Variants in THSD1 observed in about 807,000 individuals in gnomAD.
The protein encoded by THSD1 is thrombospondin type-1 domain-containing protein 1.
Under a neutral mutation model 46.3 loss-of-function variants are expected in THSD1, and 34 were observed. The ratio of observed to expected loss-of-function variants is 0.74; its 90% CI spans 0.56 to 0.98. The LOEUF is 0.98. Ranked by LOEUF, THSD1 falls within the 50% of genes least tolerant of loss-of-function variation. The pLI, the probability that THSD1 is intolerant of heterozygous loss-of-function variation, is 0.00. For missense variants in THSD1, 1,023 were observed against 1,058.3 expected, an observed-to-expected ratio of 0.97 and a Z score of 0.46; for synonymous variants, 407 against 416.5, an observed-to-expected ratio of 0.98 and a Z score of 0.28.
intron 3 of THSD1, 78 bp downstream of exon 3, chr13:52,397,153 TA>T: frequency 7.7e-7 from 1 of 1,290,362 alleles, no homozygotes; most frequent in South Asian, 1.5e-5. Flanking sequence ...ACAATTCACC[TA>T]AATTTCACCT....
chr13:52,377,474 A>G lies in THSD1; in HGVS notation c.2496T>C (p.Tyr832=), dbSNP rs765276734. Residue 832 remains tyrosine (Y), a synonymous_variant, in exon 5 of 5, where the codon TAT becomes TAC. Transcript: ENST00000258613. ...AEQRMLDLPG[Y]FGSNEEDETT... is the part of the protein sequence containing the mutation. ...TTTCATCCTCTTCATTTGACCCAAA[A>G]TATCCTGGGAGGTCCAGCATCCTCT... 3.9e-6 allele frequency: 6 copies of G among 1,553,988 alleles called. No homozygotes were observed. The highest frequency in any genetic ancestry group is 5.2e-6 in the Non-Finnish European group (6 of 1,146,146).
Position 52,397,313 on chromosome 13 carries a change from T to C in THSD1, c.940A>G (p.Lys314Glu). 1 of 1,614,094 alleles carries C rather than the reference T, an allele frequency of 6.2e-7. No individual in the cohort carries two copies. Among genetic ancestry groups the C allele is most frequent in the Middle Eastern group, 1.7e-4 (1 of 6,060 alleles). The change falls in exon 3 of 5, where the codon AAG becomes GAG. Residue 314 changes from lysine (K) to glutamate (E), a missense_variant. This residue lies in a region of THSD1 where 429 missense variants were observed against 518.3 expected (regional missense o/e 0.83). Transcript: ENST00000258613. ...GAAATGCCAAAGTCAAAGCAGTACT[T>C]ATTCTTCCCCATGTCAAACAAAGTA... Reference protein sequence around the residue: ...NCTLFDMGKNKYCFDFGISSR... With the variant: ...NCTLFDMGKNEYCFDFGISSR...
chr13:52,405,969 A>G (rs2137755166), intron 1 of THSD1, 62 bp downstream of exon 1: 1 of 152,350 alleles, frequency 6.6e-6, no homozygotes, highest in Non-Finnish European at 1.5e-5. Flanking sequence ...CCGACCCCAG[A>G]GGAGCCTCCA....
Position 52,378,294 on chromosome 13 carries a change from A to G in THSD1, c.1676T>C (p.Leu559Pro). Residue 559 changes from leucine to proline, a missense_variant, in exon 5 of 5, where the codon CTG (leucine) becomes CCG (proline). Leu to Pro is a moderately conservative substitution (Grantham distance 98). This residue lies in a region of THSD1 where 578 missense variants were observed against 497.4 expected (regional missense o/e 1.16). Coordinates refer to ENST00000258613, the MANE Select transcript of THSD1 (RefSeq NM_018676.4). ...TKVYHVSQSP[L>P]TDTAIDAAPS... ...GGCCGCATCAATGGCAGTGTCTGTC[A>G]GGGGACTCTGAGACACGTGATACAC... 6.2e-7 allele frequency: 1 copy of G among 1,614,214 alleles called. No individual in the cohort carries two copies. The highest frequency in any genetic ancestry group is 1.1e-5 in the South Asian group (1 of 91,082).
chr13:52,403,938 A>ATTTTTTT (rs67802176), intron 1 of THSD1, among the ~76,000 whole-genome samples: 8 of 63,882 alleles, frequency 1.3e-4, no homozygotes, highest in Admixed American at 4.2e-4. Context: ...CATTATTCAC[A>ATTTTTTT]TTTTTTTTTT....
intron 3 of THSD1, 83 bp from the exon 4 acceptor site, chr13:52,386,269 C>G: frequency 6.9e-7 from 1 of 1,442,378 alleles, no homozygotes. Flanking sequence ...CAGCAAAACT[C>G]AAATCTCAGG....
At chr13:52,405,925 G>A (rs1566077506) in intron 1 of THSD1, 106 bp downstream of exon 1, 1 of 152,288 alleles carries the variant, frequency 6.6e-6, no homozygotes, top group Non-Finnish European at 1.5e-5. Flanking sequence ...GCGCCTTCAG[G>A]CTGCGGTGAG....
rs1957728397 is a variant in THSD1 at position 52,386,116 on chromosome 13, G to A, written c.1092C>T (p.Arg364=). The change falls in exon 4 of 5, where the codon CGC becomes CGT. Residue 364 remains arginine (R), a synonymous_variant. Transcript: ENST00000258613. The part of the protein sequence containing the change: ...ATCGDGVRER[R]RVCLTSFPSS... ...AGGGGAAGGAAGTGAGACACACTCG[G>A]CGACGCTCTCTGACACCATCCCCAC... is the stretch of plus-strand genomic sequence containing the variant. 1 of 1,613,976 alleles carries A rather than the reference G, an allele frequency of 6.2e-7. No homozygotes were observed.
At chr13:52,403,994 C>T (rs1957887246) in intron 1 of THSD1, among the ~76,000 whole-genome samples, 1 of 126,228 alleles carries the variant, frequency 7.9e-6, no homozygotes, top group Non-Finnish European at 1.5e-5. Context: ...GTCACCTAGC[C>T]TGGAGTGCAG....
chr13:52,387,090 A>C (rs1018415857), intron 3 of THSD1, among the ~76,000 whole-genome samples: 5 of 152,090 alleles, frequency 3.3e-5, no homozygotes, highest in African/African-American at 1.2e-4. Flanking sequence ...ATCAAATAAC[A>C]ACAGTCTACT....
At chr13:52,392,190 C>CAAAAAAAAAAAAAAAA (rs368671089) in intron 3 of THSD1, among the ~76,000 whole-genome samples, 1 of 69,752 alleles carries the variant, frequency 1.4e-5, no homozygotes, top group Admixed American at 1.8e-4. Context: ...AGACTCCTCT[C>CAAAAAAAAAAAAAAAA]AAAAAAAAAA....
intron 4 of THSD1, chr13:52,384,252 G>T: frequency 3.0e-6 from 1 of 328,828 alleles, no homozygotes. Flanking sequence ...TCTCAAAAAT[G>T]ATTGTTAATT....
At chr13:52,382,597 T>C (rs1296966345) in intron 4 of THSD1, among the ~76,000 whole-genome samples, 2 of 152,048 alleles carry the variant, frequency 1.3e-5, no homozygotes, top group African/African-American at 4.8e-5. Flanking sequence ...GTTCTCCAGG[T>C]CTCTTAATGT....
Position 52,377,597 on chromosome 13 carries a change from G to A in THSD1, c.2373C>T (p.Ser791=), listed in dbSNP as rs1319535706. ...ACTTGTCTTTTCTACACTGAGAAGG[G>A]CTCAGAGAACTGACCCTCTGGTAGT... ...KDNYQRVSSL[S]PSQCRKDKCQ... Residue 791 remains serine, a synonymous_variant, in exon 5 of 5, where the codon AGC becomes AGT. Coordinates refer to ENST00000258613, the MANE Select transcript of THSD1 (RefSeq NM_018676.4). 6.2e-7 allele frequency: 1 copy of A among 1,603,690 alleles called. No individual in the cohort carries two copies. The highest frequency in any genetic ancestry group is 8.5e-7 in the Non-Finnish European group (1 of 1,172,936).
intron 4 of THSD1, chr13:52,384,198 AAAAAAG>A (rs1403422597): frequency 3.8e-5 from 12 of 319,770 alleles, no homozygotes; most frequent in South Asian, 1.1e-4. Context: ...AAAAAAAAAA[AAAAAAG>A]AAGAAGAAGA....
intron 4 of THSD1, among the ~76,000 whole-genome samples, chr13:52,379,569 G>A (rs1594095855): frequency 1.3e-5 from 2 of 151,816 alleles, no homozygotes; most frequent in East Asian, 1.9e-4. Flanking sequence ...CCGCCTCCAC[G>A]GTTCAAGTGA....
chr13:52,393,748 A>C lies in THSD1; in HGVS notation c.1021+3484T>G, dbSNP rs1004379494. 8.1e-4 allele frequency among the ~76,000 whole-genome samples: 123 copies of C among 152,208 alleles called. 1 individual carries two copies. Among genetic ancestry groups the C allele is most frequent in the Non-Finnish European group, 1.5e-4 (10 of 68,024 alleles). ...TTCAGTGTGAGTCAGTGGCTTACAC[A>C]AGTTATGGTGAGTCCCTAAATGGTA... On this transcript the variant is annotated intron_variant, in intron 3 of 4. Coordinates refer to ENST00000258613, the MANE Select transcript of THSD1 (RefSeq NM_018676.4).
chr13:52,381,310 C>T (rs1054330850), intron 4 of THSD1, among the ~76,000 whole-genome samples: 7 of 152,202 alleles, frequency 4.6e-5, no homozygotes, highest in South Asian at 2.1e-4. Flanking sequence ...ACCTCAGACA[C>T]GTGAATTCCT....
At chr13:52,387,264 G>A (rs1247565290) in intron 3 of THSD1, among the ~76,000 whole-genome samples, 1 of 152,112 alleles carries the variant, frequency 6.6e-6, no homozygotes, top group African/African-American at 2.4e-5. Flanking sequence ...TAAGCACTGA[G>A]GGTAGCCATA....
Sources: allele counts gnomAD v4.1 joint callset (sites outside exome capture counted in the v4.1 genomes callset), GRCh38; gene constraint gnomAD v4.1.1; regional missense constraint gnomAD v4.1.1; transcripts MANE v1.5; gene names NCBI Gene and HGNC (gene_info 2026-07-23, HGNC 2026-07-21).